The following NOTCH3 variants were observed in gnomAD, a reference collection of about 807,000 sequenced individuals.
The protein encoded by NOTCH3 is neurogenic locus notch homolog protein 3.
In NOTCH3, 86 loss-of-function variants were observed where a neutral mutation model predicts 213.3. The observed-to-expected ratio is 0.40, with a 90% CI of 0.34 to 0.48. NOTCH3 has a LOEUF of 0.48. Among genes scored for constraint, NOTCH3 ranks in the 20% least tolerant of loss-of-function variants. The pLI, the probability that NOTCH3 is intolerant of heterozygous loss-of-function variation, is 0.57. For missense variants in NOTCH3, 2,783 were observed against 3,272.6 expected (o/e 0.85, Z 3.65); for synonymous variants, 1,354 against 1,355.9 (o/e 1.00, Z 0.03).
intron 28 of NOTCH3, 88 bp from the exon 29 acceptor site, chr19:15,167,499 G>A: frequency 1.6e-6 from 2 of 1,276,068 alleles, no homozygotes; most frequent in South Asian, 2.4e-5. Flanking sequence ...CATTCCTACA[G>A]GTTTCTCTTT....
rs2046693340 is a variant in NOTCH3 at position 15,167,236 on chromosome 19, C to A, written c.5362+13G>T. 6.2e-7 allele frequency: 1 copy of A among 1,607,282 alleles called. No individual in the cohort carries two copies. The highest frequency in any genetic ancestry group is 1.3e-5 in the African/African-American group (1 of 74,816). ...GTGAGGGGCATCCCTTTGGGAGGGGCACTGTCACTAACCTGGGCCACGCAC... is the reference window on the plus strand; with the variant it reads ...GTGAGGGGCATCCCTTTGGGAGGGGAACTGTCACTAACCTGGGCCACGCAC... On this transcript the variant is annotated intron_variant, in intron 29 of 32. Transcript: ENST00000263388.
intron 12 of NOTCH3, 59 bp downstream of exon 12, chr19:15,186,819 G>C (rs1819371972): frequency 7.3e-7 from 1 of 1,372,706 alleles, no homozygotes; most frequent in Admixed American, 1.7e-5. Context: ...CAGGCCCACA[G>C]AGACGAGTGA....
chr19:15,190,703 A>C (rs2046920175), intron 6 of NOTCH3, among the ~76,000 whole-genome samples: 1 of 152,196 alleles, frequency 6.6e-6, no homozygotes, highest in Non-Finnish European at 1.5e-5. Context: ...CTTCAACCTT[A>C]GCATCCAGAG....
intron 2 of NOTCH3, among the ~76,000 whole-genome samples, chr19:15,194,037 G>A (rs540776918): frequency 1.1e-4 from 16 of 152,188 alleles, no homozygotes; most frequent in African/African-American, 2.6e-4. Context: ...AGCCGAGATC[G>A]TGCCACTGCA....
At chr19:15,186,530 G>C (rs908386068) in intron 12 of NOTCH3, among the ~76,000 whole-genome samples, 3 of 151,682 alleles carry the variant, frequency 2.0e-5, no homozygotes, top group Non-Finnish European at 2.9e-5. Flanking sequence ...TCAGCCTCCC[G>C]AGTAGCTAGG....
chr19:15,163,180 C>T (rs573497763), intron 31 of NOTCH3, among the ~76,000 whole-genome samples: 14 of 152,272 alleles, frequency 9.2e-5, no homozygotes, highest in South Asian at 6.2e-4. Flanking sequence ...GTTGGGATTA[C>T]AGGCATGAGC....
chr19:15,192,757 G>A (rs2145444484), intron 2 of NOTCH3, among the ~76,000 whole-genome samples: 1 of 152,218 alleles, frequency 6.6e-6, no homozygotes, highest in Non-Finnish European at 1.5e-5. Flanking sequence ...TCTACTAAAA[G>A]TACGAAACTT....
chr19:15,169,639 G>C (rs1449744354), intron 28 of NOTCH3, among the ~76,000 whole-genome samples: 2 of 152,180 alleles, frequency 1.3e-5, no homozygotes, highest in African/African-American at 4.8e-5. Flanking sequence ...TTTAATGGCA[G>C]CCAAAGCTGA....
At position 15,189,194 on chromosome 19, in the gene NOTCH3, C is replaced by T. The variant is rs369076125; in HGVS notation, c.1193-20G>A. On this transcript the variant is annotated intron_variant, in intron 7 of 32. Transcript: ENST00000263388. The stretch of plus-strand genomic sequence containing the variant: ...TGGCGCCTGCCGGATGGAGTGCGAT[C>T]GGTGTGGGCGTGGCTGGCCGGGACC... 193 of 1,613,312 alleles carry T rather than the reference C, an allele frequency of 1.2e-4. No individual in the cohort carries two copies. The South Asian group carries it at 2.0e-3, about 17-fold the overall frequency.
intron 31 of NOTCH3, among the ~76,000 whole-genome samples, chr19:15,164,230 GTTTT>G (rs1186987741): frequency 3.4e-4 from 1 of 2,978 alleles, no homozygotes; most frequent in Admixed American, 1.2e-3. Context: ...GCAGTTTTTT[GTTTT>G]TTGTTTTTTG....
Position 15,180,661 on chromosome 19 carries a change from G to T in NOTCH3, c.3142+20C>A. 6.5e-7 allele frequency: 1 copy of T among 1,546,334 alleles called. No homozygotes were observed. On this transcript the variant is annotated intron_variant, in intron 19 of 32. Coordinates refer to ENST00000263388, the MANE Select transcript of NOTCH3 (RefSeq NM_000435.3). ...CCCCTTCCCAAGGCCCCACACGCCC[G>T]CCCACATGCTCCCACTCACCGATCT...
chr19:15,162,017 T>G (rs1211171790), intron 32 of NOTCH3, among the ~76,000 whole-genome samples: 57 of 147,044 alleles, frequency 3.9e-4, no homozygotes, highest in Non-Finnish European at 1.3e-4. Flanking sequence ...AGTCTCACTG[T>G]GTCGCCCAGG....
Position 15,165,469 on chromosome 19 carries a change from T to C in NOTCH3, c.5714A>G (p.Asp1905Gly). 1 of 1,613,030 alleles carries C rather than the reference T, an allele frequency of 6.2e-7. No homozygotes were observed. The highest frequency in any genetic ancestry group is 1.7e-5 in the Admixed American group (1 of 60,010). ...CGCCAGGATCAGTGCCGTTGAGCCA[T>C]CTGCCATGCGGGCATCCAAGTCTGT... is the stretch of plus-strand genomic sequence containing the variant. ...RSTDLDARMA[D>G]GSTALILAAR... Residue 1905 changes from aspartate to glycine, a missense_variant, in exon 31 of 33, where the codon GAT (aspartate) becomes GGT (glycine). Physicochemically the swap from Asp to Gly is moderately conservative, Grantham distance 94. Around this residue, in one of 6 missense-constraint regions of NOTCH3, gnomAD observed 636 missense variants for 801.8 expected, o/e 0.79. Coordinates refer to ENST00000263388, the MANE Select transcript of NOTCH3 (RefSeq NM_000435.3). This position sits in a 1 kb window ranked among gnomAD's most constrained non-coding sequence, Gnocchi z 4.7.
chr19:15,175,577 ATATATATG>A (rs1361556319), intron 24 of NOTCH3, among the ~76,000 whole-genome samples: 16 of 34,842 alleles, frequency 4.6e-4, no homozygotes, highest in Non-Finnish European at 7.0e-4. Context: ...ATATATATGT[ATATATATG>A]TATATACACA....
rs2046766865 is a variant in NOTCH3 at position 15,174,158 on chromosome 19, GCGTC to G, written c.4642_4645del (p.Asp1548ArgfsTer29). ...AGGGAAGACCATGGCCTGGCCGTGCGCGTCCAGGCGGAAGCGCAGCGAGGTGCGC... is the reference window on the plus strand; with the variant it reads ...AGGGAAGACCATGGCCTGGCCGTGCGCAGGCGGAAGCGCAGCGAGGTGCGC... On this transcript the variant is annotated frameshift_variant, in exon 25 of 33. Transcript: ENST00000263388. LOFTEE classifies it high-confidence loss of function. The G allele has an allele frequency of 6.2e-7, 1 of 1,609,460 alleles. No homozygotes were observed. The highest frequency in any genetic ancestry group is 8.5e-7 in the Non-Finnish European group (1 of 1,179,236).
intron 2 of NOTCH3, among the ~76,000 whole-genome samples, chr19:15,193,756 G>C (rs2046947864): frequency 7.5e-6 from 1 of 133,518 alleles, no homozygotes; most frequent in African/African-American, 2.9e-5. Context: ...GGTTGACAGA[G>C]GGAGACTCCA....
rs113216024 is a variant in NOTCH3 at position 15,187,268 on chromosome 19, G to A, written c.1677C>T (p.Cys559=). The A allele has an allele frequency of 9.0e-5, 145 of 1,614,110 alleles. No homozygotes were observed. In the East Asian group the frequency reaches 2.2e-3, roughly 25 times the overall value. ...CSPDPCHHGR[C]VDGIASFSCA... ...ATGAGAAGCTGGCGATGCCATCCAC[G>A]CAGCGACCATGGTGGCATGGGTCAG... Residue 559 remains cysteine (C), a synonymous_variant, in exon 11 of 33, where the codon TGC becomes TGT. Coordinates refer to ENST00000263388, the MANE Select transcript of NOTCH3 (RefSeq NM_000435.3).
chr19:15,193,982 T>C (rs1446034954), intron 2 of NOTCH3, among the ~76,000 whole-genome samples: 1 of 151,730 alleles, frequency 6.6e-6, no homozygotes, highest in Non-Finnish European at 1.5e-5. Flanking sequence ...CTCAGGAGGC[T>C]GAGACAGAAG....
At chr19:15,191,309 A>C in intron 6 of NOTCH3, 115 bp downstream of exon 6, 1 of 955,812 alleles carries the variant, frequency 1.0e-6, no homozygotes, top group Non-Finnish European at 1.6e-6. Flanking sequence ...CTATGATTAC[A>C]GGCATGAGCC....
Sources: allele counts gnomAD v4.1 joint callset (sites outside exome capture counted in the v4.1 genomes callset), GRCh38; gene constraint gnomAD v4.1.1; regional missense constraint gnomAD v4.1.1; non-coding constraint Gnocchi (gnomAD v3.1); transcripts MANE v1.5; gene names NCBI Gene and HGNC (gene_info 2026-07-23, HGNC 2026-07-21).